The following ARID1B variants were observed in gnomAD, a reference collection of about 807,000 sequenced individuals.
ARID1B encodes AT-rich interactive domain-containing protein 1B.
In ARID1B, 30 loss-of-function variants were observed where a neutral mutation model predicts 212.3. The ratio of observed to expected loss-of-function variants is 0.14; its 90% confidence interval spans 0.11 to 0.19. The LOEUF is 0.19. Among genes scored for constraint, ARID1B ranks in the 10% least tolerant of loss-of-function variants. The probability of loss-of-function intolerance (pLI) is 1.00; values close to 1 mark genes in which losing one functional copy is unlikely to be tolerated. For synonymous variants in ARID1B, 1,402 were observed against 1,301.7 expected (o/e 1.08, Z -1.66); for missense variants, 2,891 against 3,204.0 (o/e 0.90, Z 2.36).
intron 4 of ARID1B, chr6:156,941,031 C>G (rs868123090): frequency 6.6e-6 from 1 of 152,068 alleles, no homozygotes; most frequent in Admixed American, 6.5e-5. Flanking sequence ...GAGCTGTCTT[C>G]CGTTGATTGA....
At chr6:157,178,243 C>T (rs1039838879) in intron 11 of ARID1B, among the ~76,000 whole-genome samples, 20 of 152,254 alleles carry the variant, frequency 1.3e-4, no homozygotes, top group Non-Finnish European at 2.2e-4. Context: ...CGTTTCACAC[C>T]CTTTTTGTCC....
At chr6:156,932,441 T>C (rs1373195649) in intron 3 of ARID1B, among the ~76,000 whole-genome samples, 1 of 151,674 alleles carries the variant, frequency 6.6e-6, no homozygotes, top group African/African-American at 2.4e-5. Flanking sequence ...TAAATGTAAT[T>C]ATTTATATGT....
chr6:156,965,430 T>A (rs1794674398), intron 4 of ARID1B, among the ~76,000 whole-genome samples: 1 of 152,198 alleles, frequency 6.6e-6, no homozygotes, highest in Non-Finnish European at 1.5e-5. Flanking sequence ...GTATGGAAAA[T>A]GGGTGTCACT....
At chr6:156,998,245 A>C (rs901213583) in intron 4 of ARID1B, among the ~76,000 whole-genome samples, 4 of 143,550 alleles carry the variant, frequency 2.8e-5, no homozygotes, top group South Asian at 2.2e-4. Flanking sequence ...CGGGGGTCAG[A>C]GTTTCCACTC....
At chr6:157,004,905 T>TGG (rs1562542321) in intron 4 of ARID1B, among the ~76,000 whole-genome samples, 3 of 104,808 alleles carry the variant, frequency 2.9e-5, no homozygotes, top group East Asian at 5.0e-4. Context: ...TTCTTTTTTT[T>TGG]TTTTTTTTTT....
upstream of ARID1B, chr6:156,776,736 A>G (rs551402455): frequency 6.6e-6 from 1 of 152,386 alleles, no homozygotes; most frequent in Non-Finnish European, 1.5e-5. Flanking sequence ...AAAAAGAGTT[A>G]TGTAAACATT....
intron 1 of ARID1B, among the ~76,000 whole-genome samples, chr6:156,816,357 G>C (rs1318531669): frequency 6.6e-6 from 1 of 152,172 alleles, no homozygotes; most frequent in Non-Finnish European, 1.5e-5. Context: ...GAGAGGTAAG[G>C]GTTAAAAGAT....
At chr6:156,789,409 A>G (rs1779869467) in intron 1 of ARID1B, among the ~76,000 whole-genome samples, 1 of 152,238 alleles carries the variant, frequency 6.6e-6, no homozygotes, top group Non-Finnish European at 1.5e-5. Context: ...GGCAGAAGGC[A>G]CATGTTTGTG....
At chr6:157,050,984 G>T (rs1782564877) in intron 4 of ARID1B, among the ~76,000 whole-genome samples, 1 of 152,256 alleles carries the variant, frequency 6.6e-6, no homozygotes, top group Admixed American at 6.5e-5. Context: ...TGCCAGGCTT[G>T]TTGGCTAGAG....
At chr6:157,098,310 A>G (rs992576240) in intron 5 of ARID1B, among the ~76,000 whole-genome samples, 4 of 152,052 alleles carry the variant, frequency 2.6e-5, no homozygotes, top group African/African-American at 9.7e-5. Context: ...TTCAGAACCT[A>G]CCTCTTTTCT....
chr6:156,823,685 G>GTT (rs1471010222), intron 1 of ARID1B, among the ~76,000 whole-genome samples: 3 of 78,218 alleles, frequency 3.8e-5, no homozygotes, highest in Non-Finnish European at 5.7e-5. Context: ...GGTTTTCTTT[G>GTT]TTGTTTTTTT....
chr6:156,911,886 T>C (rs1247315600), intron 3 of ARID1B, among the ~76,000 whole-genome samples: 4 of 152,116 alleles, frequency 2.6e-5, no homozygotes, highest in Non-Finnish European at 4.4e-5. Context: ...ACAGTAATTA[T>C]AGAAATGAAA....
At chr6:156,980,082 GTA>G (rs912805732) in intron 4 of ARID1B, among the ~76,000 whole-genome samples, 8 of 152,152 alleles carry the variant, frequency 5.3e-5, no homozygotes, top group African/African-American at 1.9e-4. Flanking sequence ...TTTAAGGAAA[GTA>G]TATGTAAAAA....
chr6:156,881,111 T>TG (rs1787051492), intron 2 of ARID1B, among the ~76,000 whole-genome samples: 3 of 152,154 alleles, frequency 2.0e-5, no homozygotes, highest in African/African-American at 7.2e-5. Flanking sequence ...CCCTGCCAGG[T>TG]GAGTTGGCTC....
At chr6:156,950,145 C>G (rs988597155) in intron 4 of ARID1B, among the ~76,000 whole-genome samples, 3 of 152,226 alleles carry the variant, frequency 2.0e-5, no homozygotes, top group Non-Finnish European at 4.4e-5. Flanking sequence ...TTCACCCTCC[C>G]TTGCTCATTT....
At chr6:157,131,159 A>G (rs979386913) in intron 6 of ARID1B, among the ~76,000 whole-genome samples, 3 of 152,208 alleles carry the variant, frequency 2.0e-5, no homozygotes, top group Admixed American at 1.3e-4. Context: ...TGTTGGCCGC[A>G]TGAAGAATTT....
chr6:156,982,160 C>T (rs79947373), intron 4 of ARID1B, among the ~76,000 whole-genome samples: 5,911 of 151,996 alleles, frequency 0.039, 168 homozygotes, highest in African/African-American at 0.079. Context: ...ATTTTTTAGA[C>T]CTTGCATGTT....
chr6:157,039,607 A>C (rs1273462732), intron 4 of ARID1B, among the ~76,000 whole-genome samples: 1 of 139,670 alleles, frequency 7.2e-6, no homozygotes, highest in Non-Finnish European at 1.5e-5. Flanking sequence ...TGAATTCCAA[A>C]AGCTACCTAC....
At chr6:156,793,024 T>C (rs547649567) in intron 1 of ARID1B, among the ~76,000 whole-genome samples, 6 of 152,312 alleles carry the variant, frequency 3.9e-5, no homozygotes, top group South Asian at 2.1e-4. Context: ...TTTCGTGGAC[T>C]GCAGTTCGCA....
Sources: gnomAD v4.1 joint callset for allele counts (sites outside exome capture counted in the v4.1 genomes callset) on GRCh38, gnomAD v4.1.1 for gene constraint, MANE v1.5 for transcripts, NCBI Gene and HGNC (gene_info 2026-07-23, HGNC 2026-07-21) for gene names.